The following CEACAM6 variants were observed in gnomAD, a reference collection of about 807,000 sequenced individuals.
CEACAM6 encodes the protein cell adhesion molecule CEACAM6.
A neutral mutation model predicts 32.4 loss-of-function variants in CEACAM6; 21 were observed. That is an observed-to-expected ratio of 0.65 (90% confidence interval 0.46 to 0.93). The LOEUF (loss-of-function observed/expected upper bound fraction) is 0.93, where lower values mean the gene tolerates loss of function less well. Ranked by LOEUF, CEACAM6 falls within the 40% of genes least tolerant of loss-of-function variation. CEACAM6 has a pLI of 0.00. For missense variants in CEACAM6, 406 were observed against 432.2 expected (o/e 0.94, Z 0.54); for synonymous variants, 184 against 174.4 (o/e 1.06, Z -0.43).
chr19:41,767,232 C>T (rs781836317), intron 5 of CEACAM6, among the ~76,000 whole-genome samples: 1 of 152,142 alleles, frequency 6.6e-6, no homozygotes, highest in African/African-American at 2.4e-5. Flanking sequence ...GTGATCTCCC[C>T]TCCACTACCT....
rs115146141 is a variant in CEACAM6 at position 41,761,172 on chromosome 19, C to T, written c.425-77C>T. 2.4e-4 allele frequency: 381 copies of T among 1,604,736 alleles called. No homozygotes were observed. The African/African-American group carries it at 4.6e-3, about 19-fold the overall frequency. On this transcript the variant is annotated intron_variant, in intron 2 of 5. Transcript: ENST00000199764. ...CAAGGGGGCTGAGAGGTGAGAGATG[C>T]CAACTCTGATTGAAAGATGCCTGTG...
At chr19:41,769,532 G>T (rs781810459) in intron 5 of CEACAM6, among the ~76,000 whole-genome samples, 19 of 151,880 alleles carry the variant, frequency 1.3e-4, no homozygotes, top group Non-Finnish European at 2.6e-4. Context: ...TTGAAATTTT[G>T]TGGATTCTTT....
chr19:41,761,439 C>T lies in CEACAM6; in HGVS notation c.615C>T (p.Val205=). 6.2e-7 allele frequency: 1 copy of T among 1,614,220 alleles called. No homozygotes were observed. The highest frequency in any genetic ancestry group is 1.6e-4 in the Middle Eastern group (1 of 6,062). Residue 205 remains valine, a synonymous_variant, in exon 3 of 6, where the codon GTC becomes GTT. Transcript: ENST00000199764. ...ACATGACCCTCACTCTACTCAGCGT[C>T]AAAAGGAACGATGCAGGATCCTATG... ...NGNMTLTLLS[V]KRNDAGSYEC...
At chr19:41,768,257 T>C (rs1470176523) in intron 5 of CEACAM6, among the ~76,000 whole-genome samples, 1 of 152,144 alleles carries the variant, frequency 6.6e-6, no homozygotes, top group East Asian at 1.9e-4. Context: ...CCTTCCGCAG[T>C]GTTTGTGTCC....
chr19:41,764,606 A>G (rs1285014748), intron 4 of CEACAM6, among the ~76,000 whole-genome samples: 2 of 152,186 alleles, frequency 1.3e-5, no homozygotes, highest in African/African-American at 4.8e-5. Context: ...TTCTGATTTT[A>G]GTAATCTGAA....
Position 41,770,874 on chromosome 19 carries a change from C to T in CEACAM6, c.*113C>T, listed in dbSNP as rs1555822920. The T allele has an allele frequency of 6.5e-6, 1 of 153,114 alleles. No individual in the cohort carries two copies. Among genetic ancestry groups the T allele is most frequent in the Middle Eastern group, 3.2e-3 (1 of 316 alleles). The allele number at this position is 153,114 out of a possible 1,614,324, so 9.5% of individuals were successfully genotyped here. A position where few individuals can be genotyped will look rare whatever the true frequency, so the allele number is the denominator to read the frequency against. On this transcript the variant is annotated 3_prime_UTR_variant, in exon 6 of 6. Coordinates refer to ENST00000199764, the MANE Select transcript of CEACAM6 (RefSeq NM_002483.7). ...CCCATGGAACCACTAAAAACAAGGT[C>T]TGCTCTGCTCCTGAAGCCCTATATG...
At chr19:41,761,677 C>A (rs2072925431) in intron 3 of CEACAM6, 150 bp downstream of exon 3, 1 of 1,348,584 alleles carries the variant, frequency 7.4e-7, no homozygotes, top group South Asian at 1.4e-5. Context: ...CTGGGCAGAC[C>A]AGGCCTTGAC....
In CEACAM6 at chr19:41,756,745, C is replaced by T. The variant is rs375592868; in HGVS notation, c.210C>T (p.Gly70=). The change falls in exon 2 of 6, where the codon GGC becomes GGT. Residue 70 remains glycine, a synonymous_variant. Coordinates refer to ENST00000199764, the MANE Select transcript of CEACAM6 (RefSeq NM_002483.7). ...QNRIGYSWYK[G]ERVDGNSLIV... ...GTATTGGTTACAGCTGGTACAAAGG[C>T]GAAAGAGTGGATGGCAACAGTCTAA... 14 of 1,613,848 alleles carry T rather than the reference C, an allele frequency of 8.7e-6. No individual in the cohort carries two copies. The African/African-American group carries it at 1.1e-4, about 12-fold the overall frequency.
chr19:41,757,644 A>C (rs1178596704), intron 2 of CEACAM6, among the ~76,000 whole-genome samples: 2 of 152,134 alleles, frequency 1.3e-5, no homozygotes, highest in Non-Finnish European at 2.9e-5. Flanking sequence ...GGAAGTTCAG[A>C]GTCCCCAAGG....
chr19:41,766,899 G>A (rs185340157), intron 5 of CEACAM6, among the ~76,000 whole-genome samples: 14 of 151,740 alleles, frequency 9.2e-5, no homozygotes, highest in African/African-American at 2.7e-4. Flanking sequence ...CCAGCTACTC[G>A]GGAGGCTGAG....
At chr19:41,770,123 G>T (rs2122940715) in intron 5 of CEACAM6, among the ~76,000 whole-genome samples, 1 of 151,628 alleles carries the variant, frequency 6.6e-6, no homozygotes, top group South Asian at 2.1e-4. Context: ...AACTTGAAAA[G>T]ACCCCAGGCT....
chr19:41,761,361 G>A lies in CEACAM6; in HGVS notation c.537G>A (p.Trp179Ter). 1 of 1,614,172 alleles carries A rather than the reference G, an allele frequency of 6.2e-7. No individual in the cohort carries two copies. The highest frequency in any genetic ancestry group is 8.5e-7 in the Non-Finnish European group (1 of 1,180,036). ...TTCAGAACACAACCTACCTGTGGTGGGTAAATGGTCAGAGCCTCCCGGTCA... is the reference window on the plus strand; with the variant it reads ...TTCAGAACACAACCTACCTGTGGTGAGTAAATGGTCAGAGCCTCCCGGTCA... Reference protein sequence around the residue: ...PEVQNTTYLWWVNGQSLPVSP... With the variant: ...PEVQNTTYLW Residue 179 changes from tryptophan (W) to a stop codon, truncating the protein, a stop_gained, in exon 3 of 6, where the codon TGG becomes TGA. Transcript: ENST00000199764. LOFTEE classifies it high-confidence loss of function.
chr19:41,763,530 C>T lies in CEACAM6; in HGVS notation c.958+1307C>T, dbSNP rs562240574. On this transcript the variant is annotated intron_variant, in intron 4 of 5. Transcript: ENST00000199764. ...GAGAGGTGCCAGAGGCTGTGGCTGT[C>T]AGTCCTGTATCTGCCCAAGACTCAA... Among the ~76,000 whole-genome samples, 30 of 152,340 alleles carry T rather than the reference C, an allele frequency of 2.0e-4. No homozygotes were observed. In the South Asian group the frequency reaches 6.2e-3, roughly 32 times the overall value.
intron 1 of CEACAM6, 81 bp downstream of exon 1, chr19:41,755,783 T>G: frequency 8.2e-7 from 1 of 1,220,254 alleles, no homozygotes; most frequent in Non-Finnish European, 1.1e-6. Flanking sequence ...GACAAGGCTC[T>G]GAGAGGAGAC....
rs2072997781 is a variant in CEACAM6, at chr19:41,772,056, T to G, written c.*1295T>G. 6.6e-6 allele frequency: 1 copy of G among 152,216 alleles called. No homozygotes were observed. The highest frequency in any genetic ancestry group is 2.4e-5 in the African/African-American group (1 of 41,448). The allele number at this position is 152,216 out of a possible 1,614,324, so 9.4% of individuals were successfully genotyped here. On this transcript the variant is annotated 3_prime_UTR_variant, in exon 6 of 6. Transcript: ENST00000199764. ...CCTGAACTAATCTGATGTTAACCAA[T>G]GTATTTATTTCTGTGGTTCTGTTTC...
intron 5 of CEACAM6, among the ~76,000 whole-genome samples, chr19:41,767,067 A>T (rs1259475532): frequency 3.3e-5 from 5 of 151,600 alleles, no homozygotes; most frequent in Admixed American, 3.3e-4. Flanking sequence ...TTAAGTTCAA[A>T]TTTCTTCTCT....
chr19:41,762,170 A>G lies in CEACAM6; in HGVS notation c.905A>G (p.His302Arg), dbSNP rs1357634511. 3 of 1,614,062 alleles carry G rather than the reference A, an allele frequency of 1.9e-6. No homozygotes were observed. Among genetic ancestry groups the G allele is most frequent in the African/African-American group, 1.3e-5 (1 of 74,916 alleles). Residue 302 changes from histidine to arginine, a missense_variant, in exon 4 of 6, where the codon CAT becomes CGT. Physicochemically the swap from His to Arg is conservative, Grantham distance 29. Coordinates refer to ENST00000199764, the MANE Select transcript of CEACAM6 (RefSeq NM_002483.7). ...AGCGGATCCTATATGTGCCAAGCCC[A>G]TAACTCAGCCACTGGCCTCAATAGG... ...NNSGSYMCQA[H>R]NSATGLNRTT... is the part of the protein sequence containing the mutation.
rs1429184409 is a variant in CEACAM6, at chr19:41,756,581, GCTCTCTC to G, written c.65-9_65-3del. On this transcript the variant is annotated splice_polypyrimidine_tract_variant and intron_variant, in intron 1 of 5. Transcript: ENST00000199764. ...TGCATAGGTCCCAATATTGACCGATGCTCTCTCCTCTCTCCTAGCCTCACTTCTAACC... is the reference window on the plus strand; with the variant it reads ...TGCATAGGTCCCAATATTGACCGATGCTCTCTCCTAGCCTCACTTCTAACC... The G allele has an allele frequency of 6.2e-7, 1 of 1,607,664 alleles. No homozygotes were observed. The highest frequency in any genetic ancestry group is 8.5e-7 in the Non-Finnish European group (1 of 1,176,520).
rs764887273 is a variant in CEACAM6, at chr19:41,756,898, C to T, written c.363C>T (p.Thr121=). 5.0e-6 allele frequency: 8 copies of T among 1,613,962 alleles called. No homozygotes were observed. Among genetic ancestry groups the T allele is most frequent in the South Asian group, 3.3e-5 (3 of 91,074 alleles). ...NVTQNDTGFY[T]LQVIKSDLVN... ...CCCAGAATGACACAGGATTCTATAC[C>T]CTACAAGTCATAAAGTCAGATCTTG... The change falls in exon 2 of 6, where the codon ACC becomes ACT. Residue 121 remains threonine (T), a synonymous_variant. Coordinates refer to ENST00000199764, the MANE Select transcript of CEACAM6 (RefSeq NM_002483.7).
Sources: allele counts gnomAD v4.1 joint callset (sites outside exome capture counted in the v4.1 genomes callset), GRCh38; gene constraint gnomAD v4.1.1; transcripts MANE v1.5; gene names NCBI Gene and HGNC (gene_info 2026-07-23, HGNC 2026-07-21).